The following DUSP22 variants were observed in gnomAD, a reference collection of about 807,000 sequenced individuals.
DUSP22 encodes dual specificity phosphatase 22.
Under a neutral mutation model 24.5 loss-of-function variants are expected in DUSP22, and 24 were observed. That is an observed-to-expected ratio of 0.98 (90% CI 0.71 to 1.38). The LOEUF (loss-of-function observed/expected upper bound fraction) is 1.38. DUSP22 is among the 40% of genes most tolerant of loss of function. The probability of loss-of-function intolerance (pLI) is 0.00; values close to 1 mark genes in which losing one functional copy is unlikely to be tolerated. For synonymous variants in DUSP22, 160 were observed against 106.4 expected (o/e 1.50, Z -3.10); for missense variants, 330 against 269.2 (o/e 1.23, Z -1.58).
intron 3 of DUSP22, among the ~76,000 whole-genome samples, chr6:333,124 T>A (rs1408292084): frequency 2.0e-5 from 3 of 152,412 alleles, no homozygotes; most frequent in Non-Finnish European, 2.9e-5. Flanking sequence ...CCACTCTAGG[T>A]TTGAAGATAC....
intron 3 of DUSP22, among the ~76,000 whole-genome samples, chr6:320,888 A>C (rs1377051263): frequency 6.6e-6 from 1 of 152,304 alleles, no homozygotes; most frequent in East Asian, 1.9e-4. Flanking sequence ...AGACTCAGCA[A>C]ACATTTATTG....
At chr6:335,822 T>G (rs1759337107) in intron 4 of DUSP22, among the ~76,000 whole-genome samples, 1 of 152,304 alleles carries the variant, frequency 6.6e-6, no homozygotes, top group South Asian at 2.1e-4. Context: ...TGGGGCAGCA[T>G]GCTGGCTAAA....
chr6:295,216 T>C (rs1757268773), intron 1 of DUSP22, among the ~76,000 whole-genome samples: 1 of 152,296 alleles, frequency 6.6e-6, no homozygotes, highest in Admixed American at 6.5e-5. Flanking sequence ...CTGAGGTTAC[T>C]GGGACAAGAT....
chr6:333,219 T>C (rs1396822610), intron 3 of DUSP22, among the ~76,000 whole-genome samples: 1 of 152,298 alleles, frequency 6.6e-6, no homozygotes, highest in East Asian at 1.9e-4. Flanking sequence ...GATAACAAAG[T>C]GAAGGCAAAG....
intron 3 of DUSP22, among the ~76,000 whole-genome samples, chr6:332,737 C>T (rs1051868602): frequency 1.6e-4 from 24 of 151,960 alleles, no homozygotes; most frequent in South Asian, 4.1e-4. Flanking sequence ...ATCTGGGGGA[C>T]GCCGGCATTT....
intron 3 of DUSP22, among the ~76,000 whole-genome samples, chr6:317,271 G>A (rs1239054972): frequency 1.3e-5 from 2 of 152,306 alleles, no homozygotes; most frequent in Non-Finnish European, 2.9e-5. Context: ...ACGTGGGCCT[G>A]AGGCCGAGGT....
chr6:312,423 C>G (rs903293346), intron 3 of DUSP22, among the ~76,000 whole-genome samples: 7 of 152,276 alleles, frequency 4.6e-5, no homozygotes, highest in African/African-American at 1.2e-4. Flanking sequence ...CAGGGCCGCT[C>G]TAATGTGGAG....
At chr6:298,927 G>A (rs1460969665) in intron 1 of DUSP22, among the ~76,000 whole-genome samples, 1 of 152,298 alleles carries the variant, frequency 6.6e-6, no homozygotes, top group Non-Finnish European at 1.5e-5. Flanking sequence ...GATAAATGTG[G>A]TGAAGAAAAT....
intron 1 of DUSP22, among the ~76,000 whole-genome samples, chr6:297,668 C>G (rs1281526644): frequency 6.6e-6 from 1 of 152,308 alleles, no homozygotes; most frequent in African/African-American, 2.4e-5. Flanking sequence ...GAAATCATCC[C>G]CAGTTGAGAA....
intron 3 of DUSP22, 60 bp from the exon 4 acceptor site, chr6:335,053 AC>A (rs1471221800): frequency 1.3e-6 from 2 of 1,566,116 alleles, no homozygotes; most frequent in East Asian, 2.2e-5. Context: ...TTCCTTAAAT[AC>A]TTTTCTCCAC....
At position 335,117 on chromosome 6, in the gene DUSP22, G is replaced by C; in HGVS notation, c.142G>C (p.Val48Leu). The C allele has an allele frequency of 6.2e-7, 1 of 1,613,738 alleles. No homozygotes were observed. The highest frequency in any genetic ancestry group is 8.5e-7 in the Non-Finnish European group (1 of 1,179,630). Reference protein sequence around the residue: ...HDSARPMLEGVKYLCIPAADS... With the variant: ...HDSARPMLEGLKYLCIPAADS... ...TTTACTTTTTATTATTCTGCAGGGA[G>C]TTAAATACCTGTGCATCCCAGCAGC... is the stretch of plus-strand genomic sequence containing the variant. The change falls in exon 4 of 7, where the codon GTT (valine) becomes CTT (leucine). Residue 48 changes from valine to leucine, a missense_variant. Val to Leu is a conservative substitution (Grantham distance 32). Coordinates refer to ENST00000419235, the MANE Select transcript of DUSP22 (RefSeq NM_001286555.3).
chr6:306,726 A>G (rs1428262486), intron 2 of DUSP22, among the ~76,000 whole-genome samples: 1 of 152,308 alleles, frequency 6.6e-6, no homozygotes, highest in Non-Finnish European at 1.5e-5. Context: ...TCACTTGTTC[A>G]TTGCACAAGC....
At chr6:345,757 A>C in intron 4 of DUSP22, 97 bp from the exon 5 acceptor site, 1 of 1,455,350 alleles carries the variant, frequency 6.9e-7, no homozygotes, top group Non-Finnish European at 9.3e-7. Flanking sequence ...AAAAAAATCA[A>C]TTAACATTTT....
At chr6:303,114 C>T (rs1757660473) in intron 1 of DUSP22, among the ~76,000 whole-genome samples, 2 of 152,304 alleles carry the variant, frequency 1.3e-5, no homozygotes, top group Admixed American at 6.5e-5. Flanking sequence ...GTGTCTACTG[C>T]CACATCCTAA....
chr6:311,788 A>T, intron 2 of DUSP22, 92 bp from the exon 3 acceptor site: 1 of 1,345,876 alleles, frequency 7.4e-7, no homozygotes, highest in Non-Finnish European at 1.0e-6. Flanking sequence ...TATGCAAGTC[A>T]TTTTGTGGGT....
At chr6:346,521 T>A (rs1445220095) in intron 5 of DUSP22, among the ~76,000 whole-genome samples, 1 of 152,414 alleles carries the variant, frequency 6.6e-6, no homozygotes, top group East Asian at 1.9e-4. Flanking sequence ...CGCTTGGCAG[T>A]GTGCCTGGCA....
intron 2 of DUSP22, among the ~76,000 whole-genome samples, chr6:307,262 C>T (rs527742654): frequency 4.2e-3 from 642 of 152,158 alleles, no homozygotes; most frequent in Middle Eastern, 0.014. Flanking sequence ...CTTCTTCTGT[C>T]CCTTCTCCTT....
chr6:319,481 A>C (rs1174543432), intron 3 of DUSP22, among the ~76,000 whole-genome samples: 1 of 152,308 alleles, frequency 6.6e-6, no homozygotes, highest in Non-Finnish European at 1.5e-5. Context: ...ACATGTATTT[A>C]CTGGTCTAGA....
intron 4 of DUSP22, among the ~76,000 whole-genome samples, chr6:345,370 C>T (rs1759814015): frequency 6.6e-6 from 1 of 152,302 alleles, no homozygotes; most frequent in South Asian, 2.1e-4. Context: ...CCACCACACC[C>T]AGCTAATTTT....
Sources: allele counts gnomAD v4.1 joint callset (sites outside exome capture counted in the v4.1 genomes callset), GRCh38; gene constraint gnomAD v4.1.1; transcripts MANE v1.5; gene names NCBI Gene and HGNC (gene_info 2026-07-23, HGNC 2026-07-21).